Variants in NSD1 observed in about 807,000 individuals in gnomAD.
The protein encoded by NSD1 is nuclear receptor binding SET domain protein 1, also known as histone-lysine N-methyltransferase, H3 lysine-36 specific.
A neutral mutation model predicts 242.7 loss-of-function variants in NSD1; 26 were observed. The ratio of observed to expected loss-of-function variants is 0.11; its 90% CI spans 0.08 to 0.15. The LOEUF is 0.15. Ranked by LOEUF, NSD1 falls within the 10% of genes least tolerant of loss-of-function variation. NSD1 has a pLI of 1.00. For missense variants in NSD1, 2,495 were observed against 3,272.8 expected (o/e 0.76, Z 5.80); for synonymous variants, 1,106 against 1,178.1 (o/e 0.94, Z 1.25).
Position 177,267,737 on chromosome 5 carries a change from A to G in NSD1, c.5303+19A>G. The G allele has an allele frequency of 2.5e-6, 4 of 1,611,966 alleles. No homozygotes were observed. Among genetic ancestry groups the G allele is most frequent in the Non-Finnish European group, 3.4e-6 (4 of 1,178,596 alleles). On this transcript the variant is annotated intron_variant, in intron 15 of 22. Coordinates refer to ENST00000439151, the MANE Select transcript of NSD1 (RefSeq NM_022455.5). ...GATACAGGTAAGCCTGAAGAATAGC[A>G]CTCATCTCTTTTACCATCCTCTGTT...
At chr5:177,144,946 G>T (rs1757110854) in intron 2 of NSD1, among the ~76,000 whole-genome samples, 1 of 151,938 alleles carries the variant, frequency 6.6e-6, no homozygotes, top group Non-Finnish European at 1.5e-5. Flanking sequence ...TTAGCTGGGT[G>T]TGGTGGCACG....
At chr5:177,284,218 T>C (rs1050047088) in intron 20 of NSD1, among the ~76,000 whole-genome samples, 8 of 152,254 alleles carry the variant, frequency 5.3e-5, no homozygotes, top group African/African-American at 1.9e-4. Flanking sequence ...GACTACTATA[T>C]GTACTTCATA....
At chr5:177,265,635 T>C in intron 14 of NSD1, 9 of 1,582,068 alleles carry the variant, frequency 5.7e-6, no homozygotes, top group Non-Finnish European at 6.9e-6. Flanking sequence ...TCTAGGTTGA[T>C]GGTGAAGTCC....
Position 177,210,854 on chromosome 5 carries a change from A to G in NSD1, c.2455A>G (p.Thr819Ala), listed in dbSNP as rs1217286640. The G allele has an allele frequency of 1.2e-6, 2 of 1,614,226 alleles. No individual in the cohort carries two copies. The highest frequency in any genetic ancestry group is 1.1e-5 in the South Asian group (1 of 91,086). Residue 819 changes from threonine (T) to alanine (A), a missense_variant, in exon 5 of 23, where the codon ACC becomes GCC. By Grantham distance (58) the Thr-to-Ala change is moderately conservative. Coordinates refer to ENST00000439151, the MANE Select transcript of NSD1 (RefSeq NM_022455.5). Reference protein sequence around the residue: ...ECSLKCCSSDTKGSPLASISK... With the variant: ...ECSLKCCSSDAKGSPLASISK... ...CAGTTTGAAATGCTGCTCTTCTGAT[A>G]CCAAAGGCTCTCCTTTGGCCAGCAT...
At chr5:177,282,661 T>C in intron 19 of NSD1, 80 bp downstream of exon 19, 1 of 1,066,380 alleles carries the variant, frequency 9.4e-7, no homozygotes, top group Non-Finnish European at 1.5e-6. Context: ...TGTAGGCATG[T>C]AACGCAGTTC....
At chr5:177,267,004 A>C (rs754305067) in intron 14 of NSD1, among the ~76,000 whole-genome samples, 5 of 152,172 alleles carry the variant, frequency 3.3e-5, no homozygotes, top group Non-Finnish European at 7.3e-5. Flanking sequence ...AGCTGGGAAT[A>C]CAGGCATGTG....
At chr5:177,218,259 G>A (rs1240350788) in intron 5 of NSD1, among the ~76,000 whole-genome samples, 1 of 152,026 alleles carries the variant, frequency 6.6e-6, no homozygotes, top group African/African-American at 2.4e-5. Flanking sequence ...TGTTGCCTAG[G>A]GTGGTCTCAG....
chr5:177,213,940 A>G (rs531974205), intron 5 of NSD1, among the ~76,000 whole-genome samples: 2 of 151,412 alleles, frequency 1.3e-5, no homozygotes, highest in South Asian at 4.2e-4. Flanking sequence ...TTCTAAAATT[A>G]TGGTTAAAAA....
intron 5 of NSD1, among the ~76,000 whole-genome samples, chr5:177,212,420 A>G (rs1387786252): frequency 1.9e-4 from 28 of 151,220 alleles, no homozygotes; most frequent in Admixed American, 1.8e-3. Context: ...CTTTTCCCCA[A>G]CCTTTTCAAG....
At position 177,153,928 on chromosome 5, in the gene NSD1, G is replaced by A. The variant is rs558499701; in HGVS notation, c.927+17898G>A. On this transcript the variant is annotated intron_variant, in intron 2 of 22. Transcript: ENST00000439151. ...CCTTCTGCGTAACAGACCCCTAAGT[G>A]TAGCAGCTTAGAGGAGTAAATATTT... 3.9e-5 allele frequency among the ~76,000 whole-genome samples: 6 copies of A among 152,228 alleles called. No homozygotes were observed. The South Asian group carries it at 1.2e-3, about 32-fold the overall frequency.
intron 3 of NSD1, among the ~76,000 whole-genome samples, chr5:177,195,878 T>C (rs1480502421): frequency 6.6e-6 from 1 of 152,158 alleles, no homozygotes; most frequent in Non-Finnish European, 1.5e-5. Flanking sequence ...GATTCATTAT[T>C]GGGCCATACA....
intron 2 of NSD1, among the ~76,000 whole-genome samples, chr5:177,176,925 T>C (rs1026700795): frequency 6.6e-6 from 1 of 152,174 alleles, no homozygotes; most frequent in Non-Finnish European, 1.5e-5. Context: ...AAACTTTTTG[T>C]TTTGGATGTT....
At chr5:177,255,079 C>T (rs555028892) in intron 12 of NSD1, among the ~76,000 whole-genome samples, 13 of 152,040 alleles carry the variant, frequency 8.6e-5, no homozygotes, top group African/African-American at 2.7e-4. Flanking sequence ...CTAAGGTGGG[C>T]GGATTTTTTA....
In NSD1 at chr5:177,191,871, TG is replaced by T. The variant is rs1203189052; in HGVS notation, c.928-12del. The T allele has an allele frequency of 6.2e-7, 1 of 1,613,716 alleles. No individual in the cohort carries two copies. Among genetic ancestry groups the T allele is most frequent in the Non-Finnish European group, 8.5e-7 (1 of 1,179,778 alleles). On this transcript the variant is annotated splice_polypyrimidine_tract_variant and intron_variant, in intron 2 of 22. Transcript: ENST00000439151. ...TGATTCTTATTGATGCCCCATGTTT[TG>T]TCTGTCTAAAGTGTCAACCTAAGAA...
chr5:177,173,023 C>T (rs1014026516), intron 2 of NSD1, among the ~76,000 whole-genome samples: 1 of 149,246 alleles, frequency 6.7e-6, no homozygotes, highest in African/African-American at 2.5e-5. Flanking sequence ...AAGCCGGGCG[C>T]GGTGGCTCAC....
chr5:177,250,023 C>A (rs1365184786), intron 11 of NSD1, among the ~76,000 whole-genome samples: 1 of 152,172 alleles, frequency 6.6e-6, no homozygotes, highest in Non-Finnish European at 1.5e-5. Context: ...GAGGTAGAGG[C>A]TTTAGTGAGC....
At chr5:177,288,137 C>T (rs1207294755) in intron 20 of NSD1, among the ~76,000 whole-genome samples, 1 of 152,140 alleles carries the variant, frequency 6.6e-6, no homozygotes, top group Non-Finnish European at 1.5e-5. Flanking sequence ...TGTTTATTTC[C>T]TCTCACAGTT....
At chr5:177,207,593 ATT>A (rs150492535) in intron 4 of NSD1, among the ~76,000 whole-genome samples, 23 of 78,220 alleles carry the variant, frequency 2.9e-4, no homozygotes, top group African/African-American at 1.4e-3. Flanking sequence ...ATTTATTTAA[ATT>A]TTTTTTTTTT....
chr5:177,189,616 CTA>C (rs1413568173), intron 2 of NSD1, among the ~76,000 whole-genome samples: 1 of 152,136 alleles, frequency 6.6e-6, no homozygotes, highest in Non-Finnish European at 1.5e-5. Context: ...CACTTAATAA[CTA>C]TGTAACCACA....
Sources: allele counts gnomAD v4.1 joint callset (sites outside exome capture counted in the v4.1 genomes callset), GRCh38; gene constraint gnomAD v4.1.1; transcripts MANE v1.5; gene names NCBI Gene and HGNC (gene_info 2026-07-23, HGNC 2026-07-21).